The following PBX1 variants were observed in gnomAD, a reference collection of about 807,000 sequenced individuals.
PBX1 encodes PBX homeobox 1.
A neutral mutation model predicts 53.4 loss-of-function variants in PBX1; 6 were observed. The ratio of observed to expected loss-of-function variants is 0.11; its 90% confidence interval spans 0.06 to 0.22. PBX1 has a LOEUF of 0.22. PBX1 is among the 10% of genes least tolerant of loss of function. The pLI is 1.00. For synonymous variants in PBX1, 204 were observed against 212.3 expected (o/e 0.96, Z 0.34); for missense variants, 251 against 551.4 (o/e 0.46, Z 5.46).
rs1485068010 is a variant in PBX1 at position 164,870,353 on chromosome 1, CTTT to C, written n.258-28834_258-28832del. ...TCTTTCTTTCTTTCTTTCTTTCTTTCTTTCTTTCGAGATGAAGTCTTGCTCTGT... is the reference window on the plus strand; with the variant it reads ...TCTTTCTTTCTTTCTTTCTTTCTTTCCTTTCGAGATGAAGTCTTGCTCTGT... On this transcript the variant is annotated intron_variant and non_coding_transcript_variant, in intron 2 of 2. Transcript: ENST00000558796. 8.8e-3 allele frequency among the ~76,000 whole-genome samples: 797 copies of C among 90,710 alleles called. 83 individuals carry two copies. Among genetic ancestry groups the C allele is most frequent in the Middle Eastern group, 0.024 (4 of 166 alleles). The allele number at this position is 90,710 out of a possible 152,430, so 59.5% of individuals were successfully genotyped here.
chr1:164,636,918 C>T (rs961858469), intron 2 of PBX1, among the ~76,000 whole-genome samples: 7 of 152,074 alleles, frequency 4.6e-5, no homozygotes, highest in African/African-American at 1.4e-4. Flanking sequence ...AGGAGGATGG[C>T]TTAGGACTTC....
At chr1:164,589,799 G>A (rs1369808919) in intron 2 of PBX1, among the ~76,000 whole-genome samples, 1 of 152,324 alleles carries the variant, frequency 6.6e-6, no homozygotes, top group East Asian at 1.9e-4. Flanking sequence ...CTTTTCCAAG[G>A]TCTTATAGTG....
chr1:164,582,208 C>T (rs1300174820), intron 2 of PBX1, among the ~76,000 whole-genome samples: 1 of 152,168 alleles, frequency 6.6e-6, no homozygotes, highest in African/African-American at 2.4e-5. Context: ...GCTACTGTCT[C>T]TTTGGGTCAA....
At chr1:164,760,307 G>A (rs551932637) in intron 2 of PBX1, among the ~76,000 whole-genome samples, 1 of 152,062 alleles carries the variant, frequency 6.6e-6, no homozygotes, top group Non-Finnish European at 1.5e-5. Flanking sequence ...AGAACAACAG[G>A]ATCCTGTATC....
chr1:164,749,158 C>T (rs1557983378), intron 2 of PBX1, among the ~76,000 whole-genome samples: 1 of 152,146 alleles, frequency 6.6e-6, no homozygotes, highest in Admixed American at 6.5e-5. Flanking sequence ...ATAGCCCTGC[C>T]CTTCAAATAT....
intron 2 of PBX1, among the ~76,000 whole-genome samples, chr1:164,640,758 A>G (rs900870129): frequency 1.3e-5 from 2 of 151,636 alleles, no homozygotes; most frequent in Admixed American, 1.3e-4. Flanking sequence ...GGGTTTCACC[A>G]TGTTGCCCAG....
At chr1:164,736,004 A>G (rs1194751632) in intron 2 of PBX1, among the ~76,000 whole-genome samples, 1 of 152,102 alleles carries the variant, frequency 6.6e-6, no homozygotes, top group East Asian at 1.9e-4. Context: ...GATGTGAGCA[A>G]TCCTCCATCT....
At chr1:164,874,873 C>T (rs1289859552) in intron 2 of PBX1, among the ~76,000 whole-genome samples, 1 of 152,134 alleles carries the variant, frequency 6.6e-6, no homozygotes, top group East Asian at 1.9e-4. Flanking sequence ...GGAATTGTTA[C>T]AGATCATTGT....
intron 2 of PBX1, among the ~76,000 whole-genome samples, chr1:164,885,968 A>AT (rs1191884025): frequency 6.6e-6 from 1 of 152,018 alleles, no homozygotes; most frequent in Non-Finnish European, 1.5e-5. Flanking sequence ...TAAGGGCAGG[A>AT]TTTTTTGTAT....
intron 2 of PBX1, among the ~76,000 whole-genome samples, chr1:164,655,124 T>C (rs12752594): frequency 2.7e-5 from 4 of 149,174 alleles, no homozygotes; most frequent in African/African-American, 1.0e-4. Flanking sequence ...TTTATTTTTA[T>C]TTTTTTAAGA....
At chr1:164,783,457 T>G (rs1046260427) in intron 2 of PBX1, among the ~76,000 whole-genome samples, 2 of 152,138 alleles carry the variant, frequency 1.3e-5, no homozygotes, top group Non-Finnish European at 2.9e-5. Flanking sequence ...TGGTTTCTTC[T>G]GTGTTGTTGA....
chr1:164,573,599 C>T (rs975683102), intron 2 of PBX1, among the ~76,000 whole-genome samples: 4 of 149,522 alleles, frequency 2.7e-5, no homozygotes, highest in Admixed American at 6.7e-5. Context: ...TCAAGGGATT[C>T]TCCTGCCTCA....
At chr1:164,623,578 C>T (rs891985259) in intron 2 of PBX1, among the ~76,000 whole-genome samples, 1 of 152,202 alleles carries the variant, frequency 6.6e-6, no homozygotes, top group Non-Finnish European at 1.5e-5. Flanking sequence ...CTTACTGATG[C>T]ACTCCTTTGA....
intron 2 of PBX1, among the ~76,000 whole-genome samples, chr1:164,659,163 T>C (rs1455855248): frequency 6.6e-6 from 1 of 152,182 alleles, no homozygotes; most frequent in Non-Finnish European, 1.5e-5. Flanking sequence ...TTTCCCTGAA[T>C]TGTTGGGAAT....
intron 2 of PBX1, among the ~76,000 whole-genome samples, chr1:164,599,503 G>T (rs1257930292): frequency 6.6e-6 from 1 of 152,078 alleles, no homozygotes; most frequent in Non-Finnish European, 1.5e-5. Flanking sequence ...TCTGGGGAAG[G>T]GTTAATAGTT....
chr1:164,772,139 G>A (rs963219710), intron 2 of PBX1, among the ~76,000 whole-genome samples: 5 of 152,202 alleles, frequency 3.3e-5, no homozygotes, highest in Non-Finnish European at 7.3e-5. Context: ...GACAGGAAAT[G>A]CAAAAGAAAG....
At chr1:164,737,269 G>C (rs1158728497) in intron 2 of PBX1, among the ~76,000 whole-genome samples, 1 of 152,154 alleles carries the variant, frequency 6.6e-6, no homozygotes, top group Non-Finnish European at 1.5e-5. Context: ...AGTGTCTAGA[G>C]ATGTACTGGA....
At chr1:164,590,439 A>G (rs1327848938) in intron 2 of PBX1, 10 of 455,748 alleles carry the variant, frequency 2.2e-5, no homozygotes, top group Non-Finnish European at 4.0e-5. Context: ...CTTCAGGTAA[A>G]CAAGCTGCTC....
chr1:164,622,473 G>A (rs1396599857), intron 2 of PBX1, among the ~76,000 whole-genome samples: 1 of 152,146 alleles, frequency 6.6e-6, no homozygotes, highest in Non-Finnish European at 1.5e-5. Flanking sequence ...GAGGCTGCTT[G>A]TTCCCTATGC....
Sources: gnomAD v4.1 joint callset for allele counts (sites outside exome capture counted in the v4.1 genomes callset) on GRCh38, gnomAD v4.1.1 for gene constraint, MANE v1.5 for transcripts, NCBI Gene and HGNC (gene_info 2026-07-23, HGNC 2026-07-21) for gene names.